PTPRD: variants seen among roughly 807,000 people sequenced by gnomAD.
PTPRD encodes the protein receptor-type tyrosine-protein phosphatase delta.
Under a neutral mutation model 214.5 loss-of-function variants are expected in PTPRD, and 34 were observed. The ratio of observed to expected loss-of-function variants is 0.16; its 90% CI spans 0.12 to 0.21. The LOEUF (loss-of-function observed/expected upper bound fraction) is 0.21. Among genes scored for constraint, PTPRD ranks in the 10% least tolerant of loss-of-function variants. The pLI is 1.00. For missense variants in PTPRD, 2,545 were observed against 2,398.7 expected (o/e 1.06, Z -1.27); for synonymous variants, 1,128 against 845.7 (o/e 1.33, Z -5.79).
intron 3 of PTPRD, among the ~76,000 whole-genome samples, chr9:10,145,734 T>C (rs971775619): frequency 2.0e-5 from 3 of 152,050 alleles, no homozygotes; most frequent in African/African-American, 7.2e-5. Flanking sequence ...TAAACACATA[T>C]ACTACACGTA....
At chr9:9,188,196 A>G (rs1442692570) in intron 9 of PTPRD, among the ~76,000 whole-genome samples, 1 of 152,054 alleles carries the variant, frequency 6.6e-6, no homozygotes, top group Non-Finnish European at 1.5e-5. Flanking sequence ...TTTCCTTAAC[A>G]TTAAGGTTGT....
chr9:8,728,417 T>G (rs2098611284), intron 12 of PTPRD, among the ~76,000 whole-genome samples: 1 of 152,204 alleles, frequency 6.6e-6, no homozygotes, highest in Non-Finnish European at 1.5e-5. Context: ...AGGCTGATCT[T>G]GAACTCCTGT....
chr9:8,624,297 G>A (rs542998562), intron 14 of PTPRD, among the ~76,000 whole-genome samples: 1 of 151,918 alleles, frequency 6.6e-6, no homozygotes, highest in East Asian at 1.9e-4. Flanking sequence ...AAAATAACTT[G>A]GTAATACTGT....
At chr9:8,435,717 AC>A (rs1281455461) in intron 35 of PTPRD, among the ~76,000 whole-genome samples, 3 of 151,872 alleles carry the variant, frequency 2.0e-5, no homozygotes, top group Non-Finnish European at 4.4e-5. Flanking sequence ...ACACACACAC[AC>A]ACACACACAC....
intron 2 of PTPRD, among the ~76,000 whole-genome samples, chr9:10,360,462 T>C (rs1047062153): frequency 6.6e-6 from 1 of 152,248 alleles, no homozygotes; most frequent in Non-Finnish European, 1.5e-5. Flanking sequence ...ACATGTCACA[T>C]TTTCTTTTGT....
chr9:8,914,888 T>C (rs1039860035), intron 11 of PTPRD, among the ~76,000 whole-genome samples: 31 of 152,114 alleles, frequency 2.0e-4, no homozygotes, highest in Admixed American at 1.3e-3. Flanking sequence ...AACACACCCC[T>C]TTATTGCTTA....
intron 2 of PTPRD, among the ~76,000 whole-genome samples, chr9:10,499,114 T>C (rs2042918354): frequency 1.3e-5 from 2 of 151,956 alleles, no homozygotes; most frequent in South Asian, 2.1e-4. Flanking sequence ...TCAGTTAATG[T>C]TACATTTGTT....
chr9:10,605,193 C>T (rs1355082328), intron 2 of PTPRD, among the ~76,000 whole-genome samples: 1 of 151,780 alleles, frequency 6.6e-6, no homozygotes, highest in Admixed American at 6.6e-5. Context: ...TCAAAAGGTA[C>T]AGGAAGAATT....
At chr9:9,003,295 G>A (rs1433845785) in intron 11 of PTPRD, among the ~76,000 whole-genome samples, 1 of 151,922 alleles carries the variant, frequency 6.6e-6, no homozygotes, top group Non-Finnish European at 1.5e-5. Flanking sequence ...ACTAAGACAT[G>A]AACAGCTGAA....
rs116212099 is a variant in PTPRD, at chr9:9,815,082, T to C, written c.-367-48231A>G. ...TTTGAGTAAAAACAACAAAGCTTGA[T>C]GCACTACATTTCCTGAATTCAAACT... On this transcript the variant is annotated intron_variant, in intron 5 of 45. Transcript: ENST00000381196. Among the ~76,000 whole-genome samples, 656 of 152,234 alleles carry C rather than the reference T, an allele frequency of 4.3e-3. 4 individuals carry two copies. The highest frequency in any genetic ancestry group is 0.014 in the African/African-American group (600 of 41,530).
At chr9:8,500,726 G>A (rs941629758) in intron 24 of PTPRD, 28 bp downstream of exon 24, 5 of 1,608,750 alleles carry the variant, frequency 3.1e-6, no homozygotes, top group Non-Finnish European at 4.2e-6. Flanking sequence ...TCAGAAGGGT[G>A]CAAACTGACG....
chr9:8,450,573 C>G (rs995687251), intron 33 of PTPRD, among the ~76,000 whole-genome samples: 14 of 152,262 alleles, frequency 9.2e-5, no homozygotes, highest in African/African-American at 3.4e-4. Context: ...GATAATCATT[C>G]AAGGTGCCAT....
At chr9:9,784,847 T>C (rs997694565) in intron 5 of PTPRD, among the ~76,000 whole-genome samples, 22 of 146,986 alleles carry the variant, frequency 1.5e-4, no homozygotes, top group African/African-American at 5.0e-4. Context: ...GTCTTAATAA[T>C]GTATTATATA....
At chr9:8,698,944 A>C (rs3817204) in intron 12 of PTPRD, among the ~76,000 whole-genome samples, 3 of 151,938 alleles carry the variant, frequency 2.0e-5, no homozygotes, top group Non-Finnish European at 4.4e-5. Context: ...TATATTATAT[A>C]ATAATATTAG....
chr9:8,629,000 G>C (rs2096151545), intron 14 of PTPRD, among the ~76,000 whole-genome samples: 1 of 151,606 alleles, frequency 6.6e-6, no homozygotes, highest in Non-Finnish European at 1.5e-5. Flanking sequence ...TGGTGGTTTG[G>C]GGCAGTGCTA....
chr9:10,451,957 A>T (rs1200505845), intron 2 of PTPRD, among the ~76,000 whole-genome samples: 1 of 151,990 alleles, frequency 6.6e-6, no homozygotes, highest in Non-Finnish European at 1.5e-5. Flanking sequence ...AGGAGAAGCA[A>T]ATATGAAAGC....
chr9:10,451,926 A>C (rs1353697246), intron 2 of PTPRD, among the ~76,000 whole-genome samples: 1 of 152,016 alleles, frequency 6.6e-6, no homozygotes, highest in Non-Finnish European at 1.5e-5. Flanking sequence ...TTAAAGCTTA[A>C]TTATTTCTTC....
intron 5 of PTPRD, among the ~76,000 whole-genome samples, chr9:9,776,339 C>G (rs987704203): frequency 1.3e-5 from 2 of 152,052 alleles, no homozygotes; most frequent in Non-Finnish European, 2.9e-5. Context: ...TTGTATGTTC[C>G]TAATTCCTCT....
intron 10 of PTPRD, among the ~76,000 whole-genome samples, chr9:9,077,104 T>C (rs991710453): frequency 2.0e-5 from 3 of 152,090 alleles, no homozygotes; most frequent in African/African-American, 7.2e-5. Flanking sequence ...TGTCTTCTTT[T>C]GAAAAATGTC....
Sources: gnomAD v4.1 joint callset for allele counts (sites outside exome capture counted in the v4.1 genomes callset) on GRCh38, gnomAD v4.1.1 for gene constraint, MANE v1.5 for transcripts, NCBI Gene and HGNC (gene_info 2026-07-23, HGNC 2026-07-21) for gene names.